SLC11A2: variants seen among roughly 807,000 people sequenced by gnomAD.
SLC11A2 encodes the protein solute carrier family 11 member 2.
A neutral mutation model predicts 68.0 loss-of-function variants in SLC11A2; 38 were observed. The ratio of observed to expected loss-of-function variants is 0.56; its 90% CI spans 0.43 to 0.73. The LOEUF (loss-of-function observed/expected upper bound fraction) is 0.73, where lower values mean the gene tolerates loss of function less well. Among genes scored for constraint, SLC11A2 ranks in the 30% least tolerant of loss-of-function variants. The pLI, the probability that SLC11A2 is intolerant of heterozygous loss-of-function variation, is 0.00. For synonymous variants in SLC11A2, 242 were observed against 250.6 expected (o/e 0.97, Z 0.32); for missense variants, 517 against 690.5 (o/e 0.75, Z 2.82).
At chr12:51,004,989 G>T in intron 4 of SLC11A2, 82 bp from the exon 5 acceptor site, 1 of 1,515,836 alleles carries the variant, frequency 6.6e-7, no homozygotes, top group Non-Finnish European at 9.1e-7. Context: ...TTGGCAACAT[G>T]AGTGGTAAAT....
chr12:50,972,974 A>G, the SLC11A2 span, among the ~76,000 whole-genome samples: 2 of 152,210 alleles, frequency 1.3e-5, no homozygotes, highest in Non-Finnish European at 2.9e-5. Flanking sequence ...AGGCTTGAGT[A>G]GGTAAACAAA....
the SLC11A2 span, among the ~76,000 whole-genome samples, chr12:50,964,121 G>A: frequency 6.6e-6 from 1 of 151,426 alleles, no homozygotes; most frequent in East Asian, 1.9e-4. Flanking sequence ...TATGTTAGAT[G>A]ATAGGTAAAT....
Position 51,008,580 on chromosome 12 carries a change from T to C in SLC11A2, c.79A>G (p.Ile27Val). 6.2e-7 allele frequency: 1 copy of C among 1,612,980 alleles called. No individual in the cohort carries two copies. The change falls in exon 3 of 16, where the codon ATC (isoleucine) becomes GTC (valine). Residue 27 changes from isoleucine (I) to valine (V), a missense_variant. Physicochemically the swap from Ile to Val is conservative, Grantham distance 29. Transcript: ENST00000262052. ...DHGESASLGN[I>V]NPAYSNPSLS... Reference sequence around the variant, plus strand: ...GAGGGATTACTATAGGCAGGGTTGATGTTACCAAGACTGGCAGACTCCCCA... The same window carrying C: ...GAGGGATTACTATAGGCAGGGTTGACGTTACCAAGACTGGCAGACTCCCCA...
the SLC11A2 span, among the ~76,000 whole-genome samples, chr12:50,952,747 G>A: frequency 2.0e-5 from 3 of 152,194 alleles, no homozygotes; most frequent in African/African-American, 4.8e-5. Context: ...CGCCTCAGCC[G>A]GAGATTCCAA....
intron 8 of SLC11A2, among the ~76,000 whole-genome samples, chr12:50,997,996 A>C (rs2136229504): frequency 6.6e-6 from 1 of 151,950 alleles, no homozygotes; most frequent in Non-Finnish European, 1.5e-5. Flanking sequence ...CAAAAAAAAA[A>C]AAAGAAAAGA....
chr12:51,022,621 CT>C (rs1207312027), intron 1 of SLC11A2, among the ~76,000 whole-genome samples: 1 of 152,048 alleles, frequency 6.6e-6, no homozygotes, highest in Non-Finnish European at 1.5e-5. Context: ...GTAGATTGAC[CT>C]TAACAACTTT....
At chr12:51,022,552 T>G (rs565686798) in intron 1 of SLC11A2, among the ~76,000 whole-genome samples, 1 of 152,258 alleles carries the variant, frequency 6.6e-6, no homozygotes, top group East Asian at 1.9e-4. Context: ...TATGAAGAAT[T>G]TTCATTAGAT....
chr12:50,970,296 A>C, the SLC11A2 span: 2 of 645,432 alleles, frequency 3.1e-6, no homozygotes, highest in Non-Finnish European at 5.5e-6. Flanking sequence ...CACTTGTATG[A>C]TCCAAACCAA....
At chr12:50,963,724 C>T in the SLC11A2 span, among the ~76,000 whole-genome samples, 3 of 152,278 alleles carry the variant, frequency 2.0e-5, no homozygotes, top group Non-Finnish European at 4.4e-5. Flanking sequence ...AAGAAGAATT[C>T]GACTGCTGCA....
chr12:51,017,402 T>C (rs763948165), intron 1 of SLC11A2, among the ~76,000 whole-genome samples: 1 of 152,070 alleles, frequency 6.6e-6, no homozygotes, highest in Non-Finnish European at 1.5e-5. Flanking sequence ...CTATCATGTA[T>C]GTAGCAAAAA....
intron 8 of SLC11A2, among the ~76,000 whole-genome samples, chr12:50,998,905 T>C (rs1045113228): frequency 6.6e-6 from 1 of 152,070 alleles, no homozygotes; most frequent in East Asian, 1.9e-4. Flanking sequence ...TGTCAGATGG[T>C]CAACTTGGGA....
At chr12:51,016,794 C>T (rs1403196631) in intron 1 of SLC11A2, among the ~76,000 whole-genome samples, 4 of 146,454 alleles carry the variant, frequency 2.7e-5, no homozygotes, top group Non-Finnish European at 5.9e-5. Flanking sequence ...TTGCAATAAG[C>T]CGAGATCGCG....
chr12:50,979,537 G>C (rs372768391), downstream of SLC11A2: 1 of 206,782 alleles, frequency 4.8e-6, no homozygotes, highest in African/African-American at 2.3e-5. Flanking sequence ...ATCTAGAGTT[G>C]TTGTCCTGTA....
the SLC11A2 span, among the ~76,000 whole-genome samples, chr12:50,961,528 C>A: frequency 6.6e-6 from 1 of 152,280 alleles, no homozygotes; most frequent in African/African-American, 2.4e-5. Flanking sequence ...TTAGAGTCCA[C>A]AAATCTCATC....
downstream of SLC11A2, among the ~76,000 whole-genome samples, chr12:50,978,470 C>T (rs1196510651): frequency 8.1e-6 from 1 of 124,142 alleles, no homozygotes; most frequent in Non-Finnish European, 1.6e-5. Context: ...GGAAGGGGAA[C>T]ATCACACACT....
chr12:50,977,733 C>T (rs1270065855), downstream of SLC11A2, among the ~76,000 whole-genome samples: 9 of 151,894 alleles, frequency 5.9e-5, no homozygotes, highest in African/African-American at 1.7e-4. Context: ...GAGAAAATTT[C>T]TGCAATCTAC....
the SLC11A2 span, among the ~76,000 whole-genome samples, chr12:50,952,598 G>A: frequency 1.3e-5 from 2 of 152,144 alleles, no homozygotes; most frequent in Non-Finnish European, 2.9e-5. Flanking sequence ...GCCCCACTCA[G>A]GTCTCACACA....
chr12:51,018,568 G>C (rs560474689), intron 1 of SLC11A2, among the ~76,000 whole-genome samples: 1 of 150,984 alleles, frequency 6.6e-6, no homozygotes, highest in African/African-American at 2.4e-5. Context: ...GCCAAGGCGA[G>C]CAGAGTTCAA....
chr12:50,987,392 C>A lies in SLC11A2; in HGVS notation c.*933G>T. Reference sequence around the variant, plus strand: ...ACATGACGATTCTGCTGAGAGGTGGCTTTAGGAACAAAATAGATGGCTCTC... The same window carrying A: ...ACATGACGATTCTGCTGAGAGGTGGATTTAGGAACAAAATAGATGGCTCTC... On this transcript the variant is annotated 3_prime_UTR_variant, in exon 16 of 16. Transcript: ENST00000262052. The A allele has an allele frequency of 7.8e-7, 1 of 1,287,160 alleles. No individual in the cohort carries two copies. Among genetic ancestry groups the A allele is most frequent in the Non-Finnish European group, 1.0e-6 (1 of 988,684 alleles). The allele number at this position is 1,287,160 out of a possible 1,614,324, so 79.7% of individuals were successfully genotyped here.
Sources: gnomAD v4.1 joint callset for allele counts (sites outside exome capture counted in the v4.1 genomes callset) on GRCh38, gnomAD v4.1.1 for gene constraint, MANE v1.5 for transcripts, NCBI Gene and HGNC (gene_info 2026-07-23, HGNC 2026-07-21) for gene names.